EPB41L4B: variants seen among roughly 807,000 people sequenced by gnomAD.
EPB41L4B encodes band 4.1-like protein 4B.
In EPB41L4B, 30 loss-of-function variants were observed where a neutral mutation model predicts 112.5. The observed-to-expected ratio is 0.27, with a 90% CI of 0.20 to 0.36. EPB41L4B has a LOEUF of 0.36. Ranked by LOEUF, EPB41L4B falls within the 10% of genes least tolerant of loss-of-function variation. The probability of loss-of-function intolerance (pLI) is 1.00; values close to 1 mark genes in which losing one functional copy is unlikely to be tolerated. For missense variants in EPB41L4B, 1,024 were observed against 1,133.3 expected (o/e 0.90, Z 1.38); for synonymous variants, 408 against 439.7 (o/e 0.93, Z 0.90).
chr9:109,194,459 T>C, intron 20 of EPB41L4B, 62 bp from the exon 21 acceptor site: 1 of 1,546,108 alleles, frequency 6.5e-7, no homozygotes, highest in South Asian at 1.2e-5. Flanking sequence ...CTGTGAGGAG[T>C]GGACGGAGGA....
At position 109,174,530 on chromosome 9, in the gene EPB41L4B, C is replaced by T. The variant is rs1307159416; in HGVS notation, c.*24G>A. 2.5e-6 allele frequency: 4 copies of T among 1,608,184 alleles called. No individual in the cohort carries two copies. The South Asian group carries it at 4.4e-5, about 18-fold the overall frequency. On this transcript the variant is annotated 3_prime_UTR_variant, in exon 26 of 26. Coordinates refer to ENST00000374566, the MANE Select transcript of EPB41L4B (RefSeq NM_019114.5). ...AGACGGACAGAAGGCACCATGCCAT[C>T]TTCCAGGTGACAAGGGGAGAATTTC...
Position 109,173,443 on chromosome 9 carries a change from CTATT to C in EPB41L4B, c.*1107_*1110del. On this transcript the variant is annotated 3_prime_UTR_variant, in exon 26 of 26. Transcript: ENST00000374566. ...TTTTTTACAGACATTCATAGCAGCA[CTATT>C]TATAAGAGTGAAAAATTAGATATAA... 6.6e-6 allele frequency: 1 copy of C among 151,682 alleles called. No homozygotes were observed. The highest frequency in any genetic ancestry group is 1.5e-5 in the Non-Finnish European group (1 of 67,900). The allele number at this position is 151,682 out of a possible 1,614,324, so 9.4% of individuals were successfully genotyped here. A position where few individuals can be genotyped will look rare whatever the true frequency, so the allele number is the denominator to read the frequency against.
intron 14 of EPB41L4B, among the ~76,000 whole-genome samples, chr9:109,244,963 C>G (rs574751895): frequency 6.6e-6 from 1 of 152,196 alleles, no homozygotes; most frequent in African/African-American, 2.4e-5. Flanking sequence ...CCCTCCCTGC[C>G]TGTTCTGTAT....
At position 109,255,164 on chromosome 9, in the gene EPB41L4B, T is replaced by A. The variant is rs567771995; in HGVS notation, c.1169+347A>T. On this transcript the variant is annotated intron_variant, in intron 11 of 25. Coordinates refer to ENST00000374566, the MANE Select transcript of EPB41L4B (RefSeq NM_019114.5). The stretch of plus-strand genomic sequence containing the variant: ...TAATATGGTAGCCACTAGCCACATG[T>A]GGCTTCTTGGCCGCTTGAAATATGA... Among the ~76,000 whole-genome samples the A allele has an allele frequency of 3.3e-5, 5 of 152,382 alleles. No homozygotes were observed. The East Asian group carries it at 9.6e-4, about 29-fold the overall frequency.
At chr9:109,284,419 TTTTG>T (rs1836191018) in intron 1 of EPB41L4B, among the ~76,000 whole-genome samples, 1 of 152,120 alleles carries the variant, frequency 6.6e-6, no homozygotes, top group African/African-American at 2.4e-5. Context: ...TTCCCAAGTT[TTTTG>T]TTTGTTTTAG....
intron 22 of EPB41L4B, among the ~76,000 whole-genome samples, chr9:109,191,244 C>A (rs1394118442): frequency 6.6e-6 from 1 of 152,106 alleles, no homozygotes; most frequent in Non-Finnish European, 1.5e-5. Context: ...AGCTAGATGC[C>A]CAGGATACCT....
rs138185079 is a variant in EPB41L4B at position 109,207,049 on chromosome 9, C to T, written c.1878+875G>A. 7.3e-3 allele frequency among the ~76,000 whole-genome samples: 1,114 copies of T among 152,324 alleles called. 7 individuals carry two copies. The highest frequency in any genetic ancestry group is 0.041 in the Middle Eastern group (12 of 294). On this transcript the variant is annotated intron_variant, in intron 18 of 25. Coordinates refer to ENST00000374566, the MANE Select transcript of EPB41L4B (RefSeq NM_019114.5). ...TCCCCTCCTCAGTCTGAGTCCAGGA[C>T]CCACAGGCATGTCTTAAGAGCTCAG...
In EPB41L4B at chr9:109,194,361, T is replaced by G. The variant is rs368481965; in HGVS notation, c.2082A>C (p.Ala694=). 1.5e-4 allele frequency: 237 copies of G among 1,614,200 alleles called. No homozygotes were observed. Among genetic ancestry groups the G allele is most frequent in the Admixed American group, 5.0e-4 (30 of 60,030 alleles). Reference sequence around the variant, plus strand: ...TGGTTGTAGATGTGGTCACTCCCACTGCCTCGGCCAGGTCTGGAGGGAGGT... The same window carrying G: ...TGGTTGTAGATGTGGTCACTCCCACGGCCTCGGCCAGGTCTGGAGGGAGGT... The part of the protein sequence containing the change: ...EDDLPPDLAE[A]VGVTTSTTTN... Residue 694 remains alanine (A), a synonymous_variant, in exon 21 of 26, where the codon GCA becomes GCC. Transcript: ENST00000374566.
intron 20 of EPB41L4B, among the ~76,000 whole-genome samples, chr9:109,196,718 G>GA (rs34024676): frequency 0.088 from 7,472 of 84,430 alleles, 683 homozygotes; most frequent in African/African-American, 0.25. Flanking sequence ...CCTTGTCTCC[G>GA]AAAAAAAAAA....
intron 2 of EPB41L4B, among the ~76,000 whole-genome samples, chr9:109,269,794 T>G (rs1355904716): frequency 6.6e-6 from 1 of 152,096 alleles, no homozygotes; most frequent in Non-Finnish European, 1.5e-5. Context: ...CCAATGGGCT[T>G]TCAGACACAT....
intron 1 of EPB41L4B, among the ~76,000 whole-genome samples, chr9:109,319,891 C>T (rs936427693): frequency 1.3e-5 from 2 of 152,032 alleles, no homozygotes; most frequent in Admixed American, 6.5e-5. Flanking sequence ...ACTAGGTGGG[C>T]GCCAGAGAAA....
In EPB41L4B at chr9:109,210,424, C is replaced by T. The variant is rs569687166; in HGVS notation, c.1753-2375G>A. ...TACAGGAGTCAAATTGGTTATAAAG[C>T]CCATTTGAGGCTTTTGACAATTGCT... is the stretch of plus-strand genomic sequence containing the variant. On this transcript the variant is annotated intron_variant, in intron 17 of 25. Transcript: ENST00000374566. Among the ~76,000 whole-genome samples, 4 of 152,178 alleles carry T rather than the reference C, an allele frequency of 2.6e-5. No homozygotes were observed. The East Asian group carries it at 7.7e-4, about 29-fold the overall frequency.
At chr9:109,216,861 C>T (rs1833388422) in intron 16 of EPB41L4B, 61 bp downstream of exon 16, 1 of 1,509,176 alleles carries the variant, frequency 6.6e-7, no homozygotes, top group African/African-American at 1.4e-5. Context: ...ATCTAGGGAA[C>T]TCTCGTGCCC....
Position 109,320,490 on chromosome 9 carries a change from T to TGCCGCTGCCGCA in EPB41L4B, c.-45_-44insTGCGGCAGCGGC. 2 of 780,988 alleles carry TGCCGCTGCCGCA rather than the reference T, an allele frequency of 2.6e-6. No individual in the cohort carries two copies. The highest frequency in any genetic ancestry group is 3.1e-6 in the Non-Finnish European group (2 of 647,094). 48.4% of individuals were successfully genotyped at this position (780,988 alleles called of 1,614,324 possible). A position where few individuals can be genotyped will look rare whatever the true frequency, so the allele number is the denominator to read the frequency against. On this transcript the variant is annotated 5_prime_UTR_variant, in exon 1 of 26. Transcript: ENST00000374566. The stretch of plus-strand genomic sequence containing the variant: ...CTGCCTCCGCCCCCTGCGCTGCCGC[T>TGCCGCTGCCGCA]GCCGCTGCCGCTGCCGCTGCGCCGC...
At chr9:109,256,511 C>T (rs1316498441) in intron 7 of EPB41L4B, 31 bp from the exon 8 acceptor site, 1 of 1,592,322 alleles carries the variant, frequency 6.3e-7, no homozygotes, top group Middle Eastern at 1.7e-4. Flanking sequence ...TACATGTAAA[C>T]TGCGACTCGT....
At chr9:109,287,047 A>C (rs2119163830) in intron 1 of EPB41L4B, among the ~76,000 whole-genome samples, 1 of 152,362 alleles carries the variant, frequency 6.6e-6, no homozygotes, top group African/African-American at 2.4e-5. Flanking sequence ...TCTCTGTAGC[A>C]GCTCCTTCTG....
chr9:109,276,874 C>T (rs1835852042), intron 2 of EPB41L4B, among the ~76,000 whole-genome samples: 2 of 152,208 alleles, frequency 1.3e-5, no homozygotes, highest in South Asian at 4.1e-4. Context: ...CTCCTCCTTT[C>T]TAACTAGAGA....
intron 1 of EPB41L4B, among the ~76,000 whole-genome samples, chr9:109,313,747 G>A (rs933492944): frequency 2.0e-5 from 3 of 152,198 alleles, no homozygotes; most frequent in African/African-American, 7.2e-5. Flanking sequence ...CCCAGGAAAT[G>A]TAGAGAGGAG....
At position 109,217,116 on chromosome 9, in the gene EPB41L4B, C is replaced by A; in HGVS notation, c.1439G>T (p.Ser480Ile). ...SYPLPSPVLS[S>I]SDRLPFGIEE... The stretch of plus-strand genomic sequence containing the variant: ...AATGCCAAAAGGCAACCGGTCCGAG[C>A]TGCTAAGCACTGGGGAAGGGAGCGG... Residue 480 changes from serine (S) to isoleucine (I), a missense_variant, in exon 16 of 26, where the codon AGC (serine) becomes ATC (isoleucine). Transcript: ENST00000374566. 1 of 1,614,098 alleles carries A rather than the reference C, an allele frequency of 6.2e-7. No individual in the cohort carries two copies. The highest frequency in any genetic ancestry group is 8.5e-7 in the Non-Finnish European group (1 of 1,180,038).
Sources: allele counts gnomAD v4.1 joint callset (sites outside exome capture counted in the v4.1 genomes callset), GRCh38; gene constraint gnomAD v4.1.1; transcripts MANE v1.5; gene names NCBI Gene and HGNC (gene_info 2026-07-23, HGNC 2026-07-21).